DLGAP1: variants seen among roughly 807,000 people sequenced by gnomAD.
DLGAP1 encodes disks large-associated protein 1.
Under a neutral mutation model 90.8 loss-of-function variants are expected in DLGAP1, and 11 were observed. The observed-to-expected ratio is 0.12, with a 90% CI of 0.08 to 0.20. The LOEUF is 0.20. DLGAP1 is among the 10% of genes least tolerant of loss of function. The probability of loss-of-function intolerance (pLI) is 1.00; values close to 1 mark genes in which losing one functional copy is unlikely to be tolerated. For missense variants in DLGAP1, 1,050 were observed against 1,333.8 expected (o/e 0.79, Z 3.31); for synonymous variants, 558 against 540.7 (o/e 1.03, Z -0.44).
chr18:4,295,193 T>C (rs1368484945), intron 1 of DLGAP1: 1 of 152,204 alleles, frequency 6.6e-6, no homozygotes, highest in Non-Finnish European at 1.5e-5. Flanking sequence ...TTCTGCATCA[T>C]AAAGATGTGT....
chr18:4,404,152 T>C (rs1819164027), intron 1 of DLGAP1, among the ~76,000 whole-genome samples: 1 of 152,212 alleles, frequency 6.6e-6, no homozygotes, highest in Non-Finnish European at 1.5e-5. Flanking sequence ...AAAATGTTCC[T>C]TATCCAACAG....
At chr18:3,754,275 T>G (rs1047574821) in intron 5 of DLGAP1, among the ~76,000 whole-genome samples, 1 of 152,122 alleles carries the variant, frequency 6.6e-6, no homozygotes, top group Non-Finnish European at 1.5e-5. Flanking sequence ...GTGCTGAAAT[T>G]ACACGCATGA....
intron 7 of DLGAP1, among the ~76,000 whole-genome samples, chr18:3,635,171 C>A (rs994726158): frequency 1.3e-4 from 20 of 150,844 alleles, no homozygotes; most frequent in African/African-American, 4.6e-4. Context: ...CGCTCTTTCA[C>A]CCAGGCTGGA....
At chr18:4,218,112 ATTT>A (rs11388163) in intron 1 of DLGAP1, among the ~76,000 whole-genome samples, 3 of 136,900 alleles carry the variant, frequency 2.2e-5, no homozygotes, top group African/African-American at 2.7e-5. Context: ...ATCTGTTAGA[ATTT>A]TTTTTTTTTT....
At chr18:3,690,877 G>A (rs1418371787) in intron 7 of DLGAP1, among the ~76,000 whole-genome samples, 2 of 152,148 alleles carry the variant, frequency 1.3e-5, no homozygotes, top group African/African-American at 2.4e-5. Flanking sequence ...ACATGCTGGC[G>A]GTAGCAGGCT....
intron 5 of DLGAP1, among the ~76,000 whole-genome samples, chr18:3,768,062 G>T (rs1454123439): frequency 1.3e-5 from 2 of 151,974 alleles, no homozygotes; most frequent in African/African-American, 4.8e-5. Context: ...GAAATCTGAA[G>T]AACTTAACAA....
At chr18:4,387,935 A>T (rs1465176879) in intron 1 of DLGAP1, among the ~76,000 whole-genome samples, 5 of 104,166 alleles carry the variant, frequency 4.8e-5, no homozygotes, top group East Asian at 5.5e-4. Context: ...ACACATACAC[A>T]CACACACACA....
intron 2 of DLGAP1, among the ~76,000 whole-genome samples, chr18:4,124,584 C>T (rs2076203653): frequency 6.6e-6 from 1 of 152,212 alleles, no homozygotes. Context: ...AAACAATGGC[C>T]TTGTTTTCAG....
At chr18:3,910,733 C>T (rs1341457239) in intron 3 of DLGAP1, among the ~76,000 whole-genome samples, 1 of 152,098 alleles carries the variant, frequency 6.6e-6, no homozygotes, top group East Asian at 1.9e-4. Context: ...TAGCAAGCTT[C>T]AATGGAGTGA....
chr18:4,244,995 T>C (rs934843329), intron 1 of DLGAP1, among the ~76,000 whole-genome samples: 2 of 152,314 alleles, frequency 1.3e-5, no homozygotes, highest in African/African-American at 4.8e-5. Flanking sequence ...GTTATAAATA[T>C]AGCAAGATTA....
chr18:3,772,368 CTTTCTTTCTTTCTT>C lies in DLGAP1; in HGVS notation c.1173-29870_1173-29857del, dbSNP rs1470006231. On this transcript the variant is annotated intron_variant, in intron 5 of 12. Transcript: ENST00000315677. ...TCTCTCTTTCTTTCTTTCTTTCTTT[CTTTCTTTCTTTCTT>C]TCTTTCTTTCTTTCTTTCTTTCTTT... Among the ~76,000 whole-genome samples the C allele has an allele frequency of 4.8e-3, 63 of 13,186 alleles. 2 individuals carry two copies. Among genetic ancestry groups the C allele is most frequent in the African/African-American group, 7.9e-3 (60 of 7,560 alleles). The allele number at this position is 13,186 out of a possible 152,430, so 8.7% of individuals were successfully genotyped here. A position where few individuals can be genotyped will look rare whatever the true frequency, so the allele number is the denominator to read the frequency against.
chr18:3,527,410 C>CTTTTTTTTTTTTTTTTTTTTTTTTTTTTT (rs3075071), intron 10 of DLGAP1, among the ~76,000 whole-genome samples: 2 of 100,684 alleles, frequency 2.0e-5, no homozygotes, highest in Non-Finnish European at 3.8e-5. Context: ...ATTTTCCAAA[C>CTTTTTTTTTTTTTTTTTTTTTTTTTTTTT]TTTTTTTTTT....
chr18:4,367,439 C>T (rs2081801007), intron 1 of DLGAP1, among the ~76,000 whole-genome samples: 1 of 151,882 alleles, frequency 6.6e-6, no homozygotes, highest in African/African-American at 2.4e-5. Flanking sequence ...AAAAAAATTG[C>T]AAAACTTCCT....
At chr18:3,975,367 T>A (rs117140321) in intron 3 of DLGAP1, among the ~76,000 whole-genome samples, 1 of 152,120 alleles carries the variant, frequency 6.6e-6, no homozygotes, top group Non-Finnish European at 1.5e-5. Context: ...ACATCACTAA[T>A]CATTAGGGCA....
chr18:3,514,988 T>G (rs1179465769), intron 10 of DLGAP1, among the ~76,000 whole-genome samples: 1 of 152,138 alleles, frequency 6.6e-6, no homozygotes, highest in African/African-American at 2.4e-5. Context: ...AGCGATCCAC[T>G]CATCTTGGAC....
intron 2 of DLGAP1, among the ~76,000 whole-genome samples, chr18:4,009,034 G>A (rs1568348922): frequency 6.6e-6 from 1 of 152,310 alleles, no homozygotes; most frequent in East Asian, 1.9e-4. Flanking sequence ...CTTTGGAGTA[G>A]CTGGAACTGC....
intron 1 of DLGAP1, among the ~76,000 whole-genome samples, chr18:4,178,202 AACAC>A (rs59444096): frequency 0.17 from 19,842 of 118,168 alleles, 1,339 homozygotes; most frequent in African/African-American, 0.19. Context: ...TCCTGGAATA[AACAC>A]ACACACACAC....
At chr18:3,908,200 T>C (rs1034451663) in intron 3 of DLGAP1, among the ~76,000 whole-genome samples, 1 of 152,120 alleles carries the variant, frequency 6.6e-6, no homozygotes, top group Non-Finnish European at 1.5e-5. Context: ...ACTTGGCTCA[T>C]GGGCAAAATG....
At chr18:4,261,363 C>T (rs2078999392) in intron 1 of DLGAP1, among the ~76,000 whole-genome samples, 2 of 152,176 alleles carry the variant, frequency 1.3e-5, no homozygotes, top group African/African-American at 4.8e-5. Context: ...TGCTCCTCTG[C>T]TCCCACTTTT....
Sources: gnomAD v4.1 joint callset for allele counts (sites outside exome capture counted in the v4.1 genomes callset) on GRCh38, gnomAD v4.1.1 for gene constraint, MANE v1.5 for transcripts, NCBI Gene and HGNC (gene_info 2026-07-23, HGNC 2026-07-21) for gene names.